ZSCAN5A: variants seen among roughly 807,000 people sequenced by gnomAD.
ZSCAN5A encodes zinc finger and SCAN domain-containing protein 5A.
In ZSCAN5A, 12 loss-of-function variants were observed where a neutral mutation model predicts 23.7. The observed-to-expected ratio is 0.51, with a 90% CI of 0.32 to 0.82. The LOEUF (loss-of-function observed/expected upper bound fraction) is 0.82. Ranked by LOEUF, ZSCAN5A falls within the 40% of genes least tolerant of loss-of-function variation. The pLI, the probability that ZSCAN5A is intolerant of heterozygous loss-of-function variation, is 0.03. For synonymous variants in ZSCAN5A, 257 were observed against 239.9 expected (o/e 1.07, Z -0.66); for missense variants, 597 against 617.9 (o/e 0.97, Z 0.36).
chr19:56,346,829 G>A (rs1327574835), intron 2 of ZSCAN5A, among the ~76,000 whole-genome samples: 2 of 151,956 alleles, frequency 1.3e-5, no homozygotes, highest in Non-Finnish European at 2.9e-5. Context: ...CTGGGTTCAC[G>A]CCATTCTCCT....
At chr19:56,272,598 A>T (rs116062680) in intron 2 of ZSCAN5A, among the ~76,000 whole-genome samples, 45 of 152,368 alleles carry the variant, frequency 3.0e-4, no homozygotes, top group African/African-American at 1.1e-3. Flanking sequence ...GATGACAAGC[A>T]TCACACTCAG....
At chr19:56,225,211 A>C in intron 2 of ZSCAN5A, 38 bp from the exon 3 acceptor site, 1 of 1,414,546 alleles carries the variant, frequency 7.1e-7, no homozygotes, top group South Asian at 1.6e-5. Context: ...AGTTTAAGTT[A>C]CTACTCCATC....
At chr19:56,237,605 A>C (rs895973461) in intron 2 of ZSCAN5A, among the ~76,000 whole-genome samples, 2 of 152,132 alleles carry the variant, frequency 1.3e-5, no homozygotes, top group Non-Finnish European at 2.9e-5. Flanking sequence ...ACTGTATCGC[A>C]TACTTGAAAT....
intron 2 of ZSCAN5A, chr19:56,244,530 C>T (rs4801694): frequency 0.15 from 194,281 of 1,295,484 alleles, 13,323 homozygotes; most frequent in South Asian, 0.23. Context: ...TAGGTCAGGG[C>T]TTCCAAGTAG....
chr19:56,330,243 A>T (rs1195129181), intron 2 of ZSCAN5A, among the ~76,000 whole-genome samples: 1 of 152,244 alleles, frequency 6.6e-6, no homozygotes. Flanking sequence ...AATAATGGGC[A>T]GCTATGTTGA....
chr19:56,230,611 C>G (rs1440253502), intron 2 of ZSCAN5A, among the ~76,000 whole-genome samples: 1 of 123,322 alleles, frequency 8.1e-6, no homozygotes, highest in East Asian at 3.2e-4. Flanking sequence ...CTTTTTATTT[C>G]TTGATGTGTG....
chr19:56,307,416 C>A (rs1451803961), intron 2 of ZSCAN5A, among the ~76,000 whole-genome samples: 2 of 152,156 alleles, frequency 1.3e-5, no homozygotes, highest in African/African-American at 4.8e-5. Flanking sequence ...CTACTGAAAT[C>A]TTACATGGAA....
chr19:56,280,712 G>A (rs969493108), intron 2 of ZSCAN5A: 4 of 152,132 alleles, frequency 2.6e-5, no homozygotes, highest in African/African-American at 9.7e-5. Flanking sequence ...TATGATCAAA[G>A]GACAGAGAGA....
chr19:56,272,949 C>T (rs1227160378), intron 2 of ZSCAN5A: 31 of 952,288 alleles, frequency 3.3e-5, no homozygotes, highest in Non-Finnish European at 3.9e-5. Flanking sequence ...CTTGTGTCCT[C>T]TATGTATTTT....
In ZSCAN5A at chr19:56,323,043, C is replaced by T. The variant is rs141331377; in HGVS notation, c.-357-6775G>A. ...CCAAGTAGCTGGGATTACAGGTGCC[C>T]GCCACCACGCCCGGCTAATTTTTTA... is the stretch of plus-strand genomic sequence containing the variant. On this transcript the variant is annotated intron_variant, in intron 2 of 6. Transcript: ENST00000587340. Among the ~76,000 whole-genome samples, 612 of 151,486 alleles carry T rather than the reference C, an allele frequency of 4.0e-3. 8 individuals carry two copies. The highest frequency in any genetic ancestry group is 0.014 in the African/African-American group (587 of 41,336).
chr19:56,291,985 G>A (rs1020668756), intron 2 of ZSCAN5A, among the ~76,000 whole-genome samples: 5 of 152,152 alleles, frequency 3.3e-5, no homozygotes, highest in Admixed American at 6.6e-5. Context: ...CACAAGGCAA[G>A]TATTATTCAT....
rs2033770381 is a variant in ZSCAN5A at position 56,225,001 on chromosome 19, T to C, written c.46A>G (p.Asn16Asp). The C allele has an allele frequency of 6.2e-7, 1 of 1,613,782 alleles. No homozygotes were observed. Among genetic ancestry groups the C allele is most frequent in the East Asian group, 2.2e-5 (1 of 44,880 alleles). Residue 16 changes from asparagine (N) to aspartate (D), a missense_variant, in exon 3 of 6, where the codon AAC (asparagine) becomes GAC (aspartate). Asn to Asp is a conservative substitution (Grantham distance 23). This residue lies in a region of ZSCAN5A where 72 missense variants were observed against 76.8 expected (regional missense o/e 0.94). Coordinates refer to ENST00000683990, the MANE Select transcript of ZSCAN5A (RefSeq NM_001322064.3). ...CGTGGCAGCTCCAACCCAGGTCTGT[T>C]GCAGGATTCTCCTAGACTCCATGAG... Reference protein sequence around the residue: ...TSSWSLGESCNRPGLELPRSM... With the variant: ...TSSWSLGESCDRPGLELPRSM...
intron 2 of ZSCAN5A, among the ~76,000 whole-genome samples, chr19:56,228,651 C>T (rs1467663590): frequency 6.6e-6 from 1 of 151,834 alleles, no homozygotes; most frequent in Non-Finnish European, 1.5e-5. Context: ...AGTATCAAAC[C>T]AGTGATTTGA....
At chr19:56,243,851 G>C (rs2035625689) in intron 2 of ZSCAN5A, among the ~76,000 whole-genome samples, 1 of 152,118 alleles carries the variant, frequency 6.6e-6, no homozygotes, top group Non-Finnish European at 1.5e-5. Context: ...CCAGGATTTG[G>C]ATGAGGGTTT....
At chr19:56,257,755 T>G (rs1263127808) in intron 2 of ZSCAN5A, among the ~76,000 whole-genome samples, 2 of 133,724 alleles carry the variant, frequency 1.5e-5, no homozygotes, top group Non-Finnish European at 3.2e-5. Context: ...ACTGCCCATC[T>G]TCTTAGACAC....
chr19:56,335,072 G>C (rs1485249079), intron 2 of ZSCAN5A, among the ~76,000 whole-genome samples: 2 of 152,170 alleles, frequency 1.3e-5, no homozygotes, highest in African/African-American at 4.8e-5. Flanking sequence ...TGAGCTGACA[G>C]ACAAAATAGC....
intron 2 of ZSCAN5A, among the ~76,000 whole-genome samples, chr19:56,323,029 G>A (rs982893347): frequency 6.6e-6 from 1 of 151,252 alleles, no homozygotes; most frequent in Non-Finnish European, 1.5e-5. Context: ...CAAGTAGCTG[G>A]GATTACAGGT....
chr19:56,278,469 T>C (rs955066021), intron 2 of ZSCAN5A, among the ~76,000 whole-genome samples: 1 of 152,228 alleles, frequency 6.6e-6, no homozygotes, highest in Non-Finnish European at 1.5e-5. Flanking sequence ...AATGAAAATC[T>C]AATCTCACAC....
intron 2 of ZSCAN5A, chr19:56,320,762 CT>C: frequency 5.0e-6 from 6 of 1,198,938 alleles, no homozygotes; most frequent in Non-Finnish European, 7.5e-6. Context: ...AATAGGCCAC[CT>C]TTTGCTAGTC....
Sources: allele counts gnomAD v4.1 joint callset (sites outside exome capture counted in the v4.1 genomes callset), GRCh38; gene constraint gnomAD v4.1.1; regional missense constraint gnomAD v4.1.1; transcripts MANE v1.5; gene names NCBI Gene and HGNC (gene_info 2026-07-23, HGNC 2026-07-21).